The following SLC44A1 variants were observed in gnomAD, a reference collection of about 807,000 sequenced individuals.
SLC44A1 encodes the protein choline transporter-like protein 1.
In SLC44A1, 26 loss-of-function variants were observed where a neutral mutation model predicts 79.3. The observed-to-expected ratio is 0.33, with a 90% CI of 0.24 to 0.46. The LOEUF is 0.46. SLC44A1 is among the 20% of genes least tolerant of loss of function. SLC44A1 has a pLI of 1.00. For synonymous variants in SLC44A1, 263 were observed against 286.2 expected, an observed-to-expected ratio of 0.92 and a Z score of 0.82; for missense variants, 688 against 798.1, an observed-to-expected ratio of 0.86 and a Z score of 1.66.
At chr9:105,435,018 G>A (rs944801084) in intron 15 of SLC44A1, among the ~76,000 whole-genome samples, 10 of 152,152 alleles carry the variant, frequency 6.6e-5, no homozygotes, top group South Asian at 4.1e-4. Context: ...GTGGTGGCAC[G>A]GGCCTGTAGC....
Position 105,394,169 on chromosome 9 carries a change from A to G in SLC44A1, c.*5113A>G. The G allele has an allele frequency of 1.0e-6, 1 of 985,420 alleles. No homozygotes were observed. The highest frequency in any genetic ancestry group is 1.2e-6 in the Non-Finnish European group (1 of 829,926). The allele number at this position is 985,420 out of a possible 1,614,324, so 61.0% of individuals were successfully genotyped here. A position where few individuals can be genotyped will look rare whatever the true frequency, so the allele number is the denominator to read the frequency against. On this transcript the variant is annotated 3_prime_UTR_variant, in exon 16 of 16. Coordinates refer to ENST00000374720, the MANE Select transcript of SLC44A1 (RefSeq NM_080546.5). ...TCAGGGGCTAATGAACCCAAGTCAA[A>G]AGGCTGCTCTAAAGTTGTTCTGATA...
chr9:105,423,913 A>T (rs1829287640), intron 15 of SLC44A1, among the ~76,000 whole-genome samples: 1 of 152,212 alleles, frequency 6.6e-6, no homozygotes, highest in South Asian at 2.1e-4. Flanking sequence ...ATATAGAAGG[A>T]AACATTGTTC....
chr9:105,365,434 C>T (rs765645783), intron 10 of SLC44A1, 49 bp from the exon 11 acceptor site: 1 of 1,470,962 alleles, frequency 6.8e-7, no homozygotes, highest in Admixed American at 1.8e-5. Context: ...GTGTTTCCAT[C>T]CTGATCTAGG....
chr9:105,364,440 C>A, intron 9 of SLC44A1, 115 bp from the exon 10 acceptor site: 2 of 775,738 alleles, frequency 2.6e-6, no homozygotes, highest in Non-Finnish European at 4.2e-6. Context: ...TGAAATACCA[C>A]ACAGATCAGA....
At position 105,363,002 on chromosome 9, in the gene SLC44A1, C is replaced by G. The variant is rs138697456; in HGVS notation, c.1082C>G (p.Thr361Ser). Residue 361 changes from threonine to serine, a missense_variant, in exon 9 of 16, where the codon ACT becomes AGT. Thr to Ser is a moderately conservative substitution (Grantham distance 58, BLOSUM62 1). Coordinates refer to ENST00000374720, the MANE Select transcript of SLC44A1 (RefSeq NM_080546.5). The stretch of plus-strand genomic sequence containing the variant: ...ATCATGACACTTCTTTTTCTTGGCA[C>G]TACCGGTAAGAAGATAAGCTTCTTT... ...YWIMTLLFLG[T>S]TGSPVQNEQG... 370 of 1,602,076 alleles carry G rather than the reference C, an allele frequency of 2.3e-4. No individual in the cohort carries two copies. The highest frequency in any genetic ancestry group is 2.4e-4 in the Non-Finnish European group (283 of 1,174,592).
chr9:105,358,429 A>C lies in SLC44A1; in HGVS notation c.756A>C (p.Ser252=), dbSNP rs1006793134. The C allele has an allele frequency of 8.4e-6, 13 of 1,553,358 alleles. No individual in the cohort carries two copies. The highest frequency in any genetic ancestry group is 1.2e-5 in the Non-Finnish European group (13 of 1,125,292). Residue 252 remains serine, a synonymous_variant, in exon 7 of 16, where the codon TCA becomes TCC. Coordinates refer to ENST00000374720, the MANE Select transcript of SLC44A1 (RefSeq NM_080546.5). ...WILTILVILG[S]LGGTGVLWWL... The stretch of plus-strand genomic sequence containing the variant: ...TAACGATTCTGGTCATACTCGGTTC[A>C]CTTGGTAAGCTATTTATTTCTTTGT...
chr9:105,350,508 C>T (rs544596863), intron 5 of SLC44A1, among the ~76,000 whole-genome samples: 1 of 152,150 alleles, frequency 6.6e-6, no homozygotes, highest in South Asian at 2.1e-4. Context: ...AAAAGACCAG[C>T]ACCAGGCAAA....
intron 3 of SLC44A1, among the ~76,000 whole-genome samples, chr9:105,311,522 T>C (rs1345532049): frequency 6.6e-6 from 1 of 152,162 alleles, no homozygotes; most frequent in Admixed American, 6.5e-5. Flanking sequence ...GATTCATCTG[T>C]TCAGTAGAGC....
chr9:105,314,179 G>A (rs1336503061), intron 3 of SLC44A1, among the ~76,000 whole-genome samples: 1 of 152,120 alleles, frequency 6.6e-6, no homozygotes, highest in Non-Finnish European at 1.5e-5. Flanking sequence ...GTGAGTGTGT[G>A]GACTGAGCTG....
In SLC44A1 at chr9:105,258,950, C is replaced by T. The variant is rs567562731; in HGVS notation, c.36+14046C>T. Among the ~76,000 whole-genome samples the T allele has an allele frequency of 6.5e-4, 99 of 152,080 alleles. 1 individual carries two copies. In the South Asian group the frequency reaches 0.019, roughly 29 times the overall value. ...AAATTCCTGACCTCAGGTGATCCGCCCGCCTAGGCCTCCCAAAATGCTGGC... is the reference window on the plus strand; with the variant it reads ...AAATTCCTGACCTCAGGTGATCCGCTCGCCTAGGCCTCCCAAAATGCTGGC... On this transcript the variant is annotated intron_variant, in intron 1 of 15. Coordinates refer to ENST00000374720, the MANE Select transcript of SLC44A1 (RefSeq NM_080546.5).
Position 105,338,937 on chromosome 9 carries a change from A to G in SLC44A1, c.406+3238A>G, listed in dbSNP as rs114527761. ...AATTTTCAAATCAGTAAGAGGGGCT[A>G]GTTAAAGGTCCATGAAAGAGCCTAA... On this transcript the variant is annotated intron_variant, in intron 4 of 15. Transcript: ENST00000374720. Among the ~76,000 whole-genome samples, 668 of 152,332 alleles carry G rather than the reference A, an allele frequency of 4.4e-3. 6 individuals carry two copies. The highest frequency in any genetic ancestry group is 0.015 in the African/African-American group (639 of 41,572).
intron 15 of SLC44A1, chr9:105,386,178 C>T: frequency 1.0e-6 from 1 of 981,542 alleles, no homozygotes; most frequent in African/African-American, 1.7e-5. Flanking sequence ...AAATATATCT[C>T]TCTACTCCAC....
At chr9:105,321,083 T>G (rs1181077867) in intron 3 of SLC44A1, among the ~76,000 whole-genome samples, 3 of 152,232 alleles carry the variant, frequency 2.0e-5, no homozygotes, top group Non-Finnish European at 4.4e-5. Context: ...AAGTTGAATT[T>G]GTTTGTTTTT....
downstream of SLC44A1, among the ~76,000 whole-genome samples, chr9:105,400,158 G>T (rs951770432): frequency 6.6e-6 from 1 of 151,632 alleles, no homozygotes; most frequent in East Asian, 1.9e-4. Context: ...TCGTGCCATT[G>T]CACTGCAGCC....
chr9:105,354,376 A>G (rs940035195), intron 5 of SLC44A1, among the ~76,000 whole-genome samples: 8 of 152,124 alleles, frequency 5.3e-5, no homozygotes, highest in Non-Finnish European at 7.3e-5. Flanking sequence ...TTCTCATAAT[A>G]TTTTTAACTA....
At chr9:105,287,577 A>G (rs543807648) in intron 1 of SLC44A1, among the ~76,000 whole-genome samples, 2 of 152,290 alleles carry the variant, frequency 1.3e-5, no homozygotes, top group Non-Finnish European at 2.9e-5. Flanking sequence ...CTAGGAAAGG[A>G]CATAACAATG....
In SLC44A1 at chr9:105,287,334, C is replaced by T. The variant is rs556559149; in HGVS notation, c.37-11886C>T. On this transcript the variant is annotated intron_variant, in intron 1 of 15. Coordinates refer to ENST00000374720, the MANE Select transcript of SLC44A1 (RefSeq NM_080546.5). ...ATAAAAAAGGCATTTCAGTTTTTCT[C>T]ATTGTATTGTCATTTGAAAGTTACT... Among the ~76,000 whole-genome samples the T allele has an allele frequency of 2.6e-5, 4 of 152,296 alleles. No homozygotes were observed. The South Asian group carries it at 6.2e-4, about 24-fold the overall frequency.
chr9:105,254,299 C>G (rs1408363897), intron 1 of SLC44A1, among the ~76,000 whole-genome samples: 2 of 152,166 alleles, frequency 1.3e-5, no homozygotes, highest in Non-Finnish European at 2.9e-5. Context: ...GCTGAGCTGA[C>G]AATCTCCAGT....
chr9:105,357,815 C>T (rs1169014346), intron 6 of SLC44A1, among the ~76,000 whole-genome samples: 1 of 152,154 alleles, frequency 6.6e-6, no homozygotes, highest in African/African-American at 2.4e-5. Context: ...TCGGACCATC[C>T]TTTGGAGTTC....
Sources: allele counts gnomAD v4.1 joint callset (sites outside exome capture counted in the v4.1 genomes callset), GRCh38; gene constraint gnomAD v4.1.1; transcripts MANE v1.5; gene names NCBI Gene and HGNC (gene_info 2026-07-23, HGNC 2026-07-21).